Variants in BCR observed in about 807,000 individuals in gnomAD.
The protein encoded by BCR is BCR activator of RhoGEF and GTPase, also known as breakpoint cluster region protein.
A neutral mutation model predicts 138.6 loss-of-function variants in BCR; 58 were observed. The observed-to-expected ratio is 0.42, with a 90% CI of 0.34 to 0.52. The LOEUF (loss-of-function observed/expected upper bound fraction) is 0.52. Ranked by LOEUF, BCR falls within the 20% of genes least tolerant of loss-of-function variation. BCR has a pLI of 0.06. For synonymous variants in BCR, 786 were observed against 730.1 expected, an observed-to-expected ratio of 1.08 and a Z score of -1.23; for missense variants, 1,599 against 1,727.2, an observed-to-expected ratio of 0.93 and a Z score of 1.32.
chr22:23,303,173 C>T (rs990966365), intron 16 of BCR, among the ~76,000 whole-genome samples: 1 of 152,100 alleles, frequency 6.6e-6, no homozygotes, highest in Non-Finnish European at 1.5e-5. Flanking sequence ...TGTATTATTA[C>T]ATAACTTATA....
rs558382449 is a variant in BCR, at chr22:23,241,352, T to C, written c.1280-12447T>C. On this transcript the variant is annotated intron_variant, in intron 1 of 22. Transcript: ENST00000305877. The stretch of plus-strand genomic sequence containing the variant: ...CCATTCCCCCCCGACCAACCCTCTG[T>C]ATTTCCTCTTTGGAGGGGCAGTGAG... 2.6e-5 allele frequency among the ~76,000 whole-genome samples: 4 copies of C among 152,240 alleles called. No homozygotes were observed. The South Asian group carries it at 8.3e-4, about 32-fold the overall frequency.
rs2073404789 is a variant in BCR, at chr22:23,263,989, T to A, written c.1752+2449T>A. On this transcript the variant is annotated intron_variant, in intron 4 of 22. Transcript: ENST00000305877. ...CTGATGACACACTTGGACAGAGACT[T>A]TCCCCCAAGGGCTGGGGTGCTGGAT... 4 of 893,546 alleles carry A rather than the reference T, an allele frequency of 4.5e-6. No homozygotes were observed. In the Admixed American group the frequency reaches 5.1e-5, roughly 11 times the overall value. 55.4% of individuals were successfully genotyped at this position (893,546 alleles called of 1,614,324 possible).
intron 1 of BCR, among the ~76,000 whole-genome samples, chr22:23,192,873 C>T (rs2072432643): frequency 6.6e-6 from 1 of 152,150 alleles, no homozygotes; most frequent in Non-Finnish European, 1.5e-5. Context: ...GCTGTGTGTG[C>T]ACAGGGCCAG....
chr22:23,181,357 A>C lies in BCR; in HGVS notation c.397A>C (p.Arg133=). The change falls in exon 1 of 23, where the codon AGG becomes CGG. Residue 133 remains arginine (R), a synonymous_variant. Coordinates refer to ENST00000305877, the MANE Select transcript of BCR (RefSeq NM_004327.4). The part of the protein sequence containing the change: ...PGKARPGTAR[R]PGAAASGERD... ...TAAGGCCAGGCCCGGGACCGCCCGCAGGCCCGGGGCAGCCGCGTCGGGGGA... is the reference window on the plus strand; with the variant it reads ...TAAGGCCAGGCCCGGGACCGCCCGCCGGCCCGGGGCAGCCGCGTCGGGGGA... 3 of 1,509,912 alleles carry C rather than the reference A, an allele frequency of 2.0e-6. No homozygotes were observed. The highest frequency in any genetic ancestry group is 2.6e-6 in the Non-Finnish European group (3 of 1,136,400). 93.5% of individuals were successfully genotyped at this position (1,509,912 alleles called of 1,614,324 possible). A position where few individuals can be genotyped will look rare whatever the true frequency, so the allele number is the denominator to read the frequency against.
intron 1 of BCR, among the ~76,000 whole-genome samples, chr22:23,230,611 CT>C (rs1236815199): frequency 2.0e-5 from 3 of 152,268 alleles, no homozygotes; most frequent in African/African-American, 7.2e-5. Context: ...TGCTCATTGT[CT>C]GCTTTGCTTC....
chr22:23,251,924 A>G (rs1477977899), intron 1 of BCR, among the ~76,000 whole-genome samples: 1 of 152,210 alleles, frequency 6.6e-6, no homozygotes, highest in Non-Finnish European at 1.5e-5. Context: ...TAGAAAACTC[A>G]GGCTGAGAAC....
chr22:23,243,612 A>G (rs1207986708), intron 1 of BCR, among the ~76,000 whole-genome samples: 1 of 151,660 alleles, frequency 6.6e-6, no homozygotes, highest in East Asian at 1.9e-4. Context: ...AAATGTGAGT[A>G]AAAGGTTTTC....
Position 23,315,959 on chromosome 22 carries a change from G to A in BCR, c.*437G>A. Reference sequence around the variant, plus strand: ...TAAACGCTGCTGCTTCATCCTGTGGGGGCCGTGGCCCTGTCCCTGTGTGGG... The same window carrying A: ...TAAACGCTGCTGCTTCATCCTGTGGAGGCCGTGGCCCTGTCCCTGTGTGGG... On this transcript the variant is annotated 3_prime_UTR_variant, in exon 23 of 23. Transcript: ENST00000305877. 2.8e-6 allele frequency: 1 copy of A among 351,974 alleles called. No homozygotes were observed. 21.8% of individuals were successfully genotyped at this position (351,974 alleles called of 1,614,324 possible). A position where few individuals can be genotyped will look rare whatever the true frequency, so the allele number is the denominator to read the frequency against.
At chr22:23,197,138 G>A (rs2146205856) in intron 1 of BCR, among the ~76,000 whole-genome samples, 1 of 152,264 alleles carries the variant, frequency 6.6e-6, no homozygotes, top group African/African-American at 2.4e-5. Context: ...TGTTTTTACT[G>A]TACCTTTTCT....
rs5996480 is a variant in BCR at position 23,188,138 on chromosome 22, G to A, written c.1279+5899G>A. ...GTGGCCACCTCTCAGTTGAGTACAGGCTCCTTTCCATGGATGGAGACAGAG... is the reference window on the plus strand; with the variant it reads ...GTGGCCACCTCTCAGTTGAGTACAGACTCCTTTCCATGGATGGAGACAGAG... On this transcript the variant is annotated intron_variant, in intron 1 of 22. Transcript: ENST00000305877. Among the ~76,000 whole-genome samples, 738 of 152,236 alleles carry A rather than the reference G, an allele frequency of 4.8e-3. 5 individuals carry two copies. The highest frequency in any genetic ancestry group is 0.017 in the African/African-American group (695 of 41,528).
At position 23,295,128 on chromosome 22, in the gene BCR, C is replaced by G; in HGVS notation, c.2985C>G (p.Asp995Glu). ...CCAAGGAGGACGGCGAGAGCACGGA[C>G]AGACTCATGGGGAAGGGCCAGGTCC... ...KIPKEDGEST[D>E]RLMGKGQVQL... is the part of the protein sequence containing the mutation. The change falls in exon 16 of 23, where the codon GAC becomes GAG. Residue 995 changes from aspartate (D) to glutamate (E), a missense_variant. Transcript: ENST00000305877. 6.2e-7 allele frequency: 1 copy of G among 1,614,120 alleles called. No homozygotes were observed. Among genetic ancestry groups the G allele is most frequent in the Non-Finnish European group, 8.5e-7 (1 of 1,180,004 alleles).
chr22:23,220,521 A>G (rs1000472777), intron 1 of BCR, among the ~76,000 whole-genome samples: 1 of 152,160 alleles, frequency 6.6e-6, no homozygotes, highest in East Asian at 1.9e-4. Context: ...AGCCCCACCC[A>G]GGCTTGGTCT....
chr22:23,304,609 T>C (rs1048438508), intron 16 of BCR, among the ~76,000 whole-genome samples: 3 of 152,156 alleles, frequency 2.0e-5, no homozygotes, highest in African/African-American at 7.2e-5. Context: ...GTAAGATTGC[T>C]GGGCTGTGCA....
chr22:23,191,028 G>A (rs1189783269), intron 1 of BCR, among the ~76,000 whole-genome samples: 1 of 151,966 alleles, frequency 6.6e-6, no homozygotes, highest in Admixed American at 6.6e-5. Context: ...AAACTCTCGG[G>A]CTCAAGCGAT....
chr22:23,268,317 T>A (rs2073468594), intron 4 of BCR, 91 bp from the exon 5 acceptor site: 7 of 1,043,838 alleles, frequency 6.7e-6, no homozygotes, highest in Non-Finnish European at 9.6e-6. Context: ...GTCCCTGGAG[T>A]TTCTGCAGAG....
chr22:23,217,412 T>C (rs933061999), intron 1 of BCR, among the ~76,000 whole-genome samples: 1 of 152,240 alleles, frequency 6.6e-6, no homozygotes, highest in Non-Finnish European at 1.5e-5. Flanking sequence ...CTTCAAGCTC[T>C]GGTGCTCTCT....
intron 1 of BCR, among the ~76,000 whole-genome samples, chr22:23,184,927 G>T (rs1192790226): frequency 6.6e-6 from 1 of 152,148 alleles, no homozygotes; most frequent in Non-Finnish European, 1.5e-5. Context: ...GGGGGTGGGT[G>T]GGGGGAGGAA....
intron 1 of BCR, among the ~76,000 whole-genome samples, chr22:23,232,372 C>T (rs1197906064): frequency 6.6e-6 from 1 of 152,178 alleles, no homozygotes. Flanking sequence ...AGTGGTAGGG[C>T]TGGGTTTGAA....
rs115737543 is a variant in BCR at position 23,218,617 on chromosome 22, G to A, written c.1280-35182G>A. ...GGCTGGTGGCTGTTCTTCAGCTGTG[G>A]GACTCGTGTGGGGACAAGCTGAACA... On this transcript the variant is annotated intron_variant, in intron 1 of 22. Coordinates refer to ENST00000305877, the MANE Select transcript of BCR (RefSeq NM_004327.4). Among the ~76,000 whole-genome samples the A allele has an allele frequency of 4.4e-3, 663 of 152,278 alleles. 5 individuals are homozygous for A. Among genetic ancestry groups the A allele is most frequent in the African/African-American group, 0.015 (632 of 41,554 alleles).
Sources: allele counts gnomAD v4.1 joint callset (sites outside exome capture counted in the v4.1 genomes callset), GRCh38; gene constraint gnomAD v4.1.1; transcripts MANE v1.5; gene names NCBI Gene and HGNC (gene_info 2026-07-23, HGNC 2026-07-21).